SLC39A6: variants seen among roughly 807,000 people sequenced by gnomAD.
SLC39A6 encodes the protein solute carrier family 39 member 6, also known as zinc transporter ZIP6.
A neutral mutation model predicts 63.5 loss-of-function variants in SLC39A6; 51 were observed. The ratio of observed to expected loss-of-function variants is 0.80; its 90% CI spans 0.64 to 1.01. The LOEUF is 1.01. Ranked by LOEUF, SLC39A6 falls within the 50% of genes least tolerant of loss-of-function variation. The pLI is 0.00. For missense variants in SLC39A6, 805 were observed against 927.8 expected (o/e 0.87, Z 1.72); for synonymous variants, 318 against 324.7 (o/e 0.98, Z 0.22).
At chr18:36,117,113 T>C (rs2089352323) in intron 5 of SLC39A6, among the ~76,000 whole-genome samples, 1 of 152,216 alleles carries the variant, frequency 6.6e-6, no homozygotes. Flanking sequence ...GGCATGCGCC[T>C]GTATTCCCAG....
chr18:36,122,801 C>G (rs1168623648), intron 4 of SLC39A6, among the ~76,000 whole-genome samples: 1 of 152,190 alleles, frequency 6.6e-6, no homozygotes, highest in Admixed American at 6.5e-5. Context: ...ACAGAGTACA[C>G]CCCATACACA....
Position 36,126,526 on chromosome 18 carries a change from C to T in SLC39A6, c.482G>A (p.Ser161Asn). Reference protein sequence around the residue: ...SDSSGKDPRNSQGKGAHRPEH... With the variant: ...SDSSGKDPRNNQGKGAHRPEH... The stretch of plus-strand genomic sequence containing the variant: ...TGGTCGGTGAGCTCCTTTCCCCTGG[C>T]TGTTTCTAGGATCTTTACCTGAACT... Residue 161 changes from serine (S) to asparagine (N), a missense_variant, in exon 2 of 10, where the codon AGC becomes AAC. Coordinates refer to ENST00000269187, the MANE Select transcript of SLC39A6 (RefSeq NM_012319.4). 1 of 1,614,242 alleles carries T rather than the reference C, an allele frequency of 6.2e-7. No individual in the cohort carries two copies. The highest frequency in any genetic ancestry group is 8.5e-7 in the Non-Finnish European group (1 of 1,180,044).
In SLC39A6 at chr18:36,129,333, C is replaced by G. The variant is rs2089500912; in HGVS notation, c.-229G>C. 6.2e-6 allele frequency: 1 copy of G among 161,514 alleles called. No homozygotes were observed. Among genetic ancestry groups the G allele is most frequent in the African/African-American group, 2.4e-5 (1 of 41,482 alleles). The allele number at this position is 161,514 out of a possible 1,614,324, so 10.0% of individuals were successfully genotyped here. ...CCCTAGCCTTCGCGAAGCTGGAAGA[C>G]AATCACTAATTACCGCCGCGCGCAG... is the stretch of plus-strand genomic sequence containing the variant. On this transcript the variant is annotated 5_prime_UTR_variant, in exon 1 of 10. Coordinates refer to ENST00000269187, the MANE Select transcript of SLC39A6 (RefSeq NM_012319.4).
intron 2 of SLC39A6, among the ~76,000 whole-genome samples, chr18:36,125,275 T>C (rs2089427163): frequency 1.3e-5 from 2 of 151,702 alleles, no homozygotes; most frequent in African/African-American, 4.8e-5. Flanking sequence ...CAGGCAGATG[T>C]TTTCAACTAT....
intron 1 of SLC39A6, among the ~76,000 whole-genome samples, chr18:36,128,473 CAT>C (rs954642339): frequency 6.6e-6 from 1 of 152,210 alleles, no homozygotes; most frequent in African/African-American, 2.4e-5. Context: ...TGCGAGGTAT[CAT>C]ACAGGGAACA....
At chr18:36,116,602 A>G in intron 6 of SLC39A6, 72 bp downstream of exon 6, 1 of 1,026,722 alleles carries the variant, frequency 9.7e-7, no homozygotes, top group Non-Finnish European at 1.5e-6. Flanking sequence ...TTTCTTCCAG[A>G]TAGTCAAGTT....
Position 36,118,222 on chromosome 18 carries a change from A to G in SLC39A6, c.1360-1443T>C, listed in dbSNP as rs113243608. On this transcript the variant is annotated intron_variant, in intron 5 of 9. Transcript: ENST00000269187. ...GTAGTTTAACCAATTCTTTCATTCCATAAGTATTAAGGGCCCACAGTGTTC... is the reference window on the plus strand; with the variant it reads ...GTAGTTTAACCAATTCTTTCATTCCGTAAGTATTAAGGGCCCACAGTGTTC... Among the ~76,000 whole-genome samples, 435 of 152,296 alleles carry G rather than the reference A, an allele frequency of 2.9e-3. 1 individual carries two copies. The highest frequency in any genetic ancestry group is 9.9e-3 in the African/African-American group (413 of 41,548).
At position 36,111,214 on chromosome 18, in the gene SLC39A6, C is replaced by T. The variant is rs776916805; in HGVS notation, c.1960G>A (p.Val654Ile). The T allele has an allele frequency of 2.5e-6, 4 of 1,613,962 alleles. No individual in the cohort carries two copies. Among genetic ancestry groups the T allele is most frequent in the South Asian group, 2.2e-5 (2 of 91,088 alleles). ...FAVLLKAGMT[V>I]KQAVLYNALS... ...GCATTATAAAGGACAGCCTGCTTAA[C>T]GGTCATGCCAGCCTTTAGTAGAACA... is the stretch of plus-strand genomic sequence containing the variant. The change falls in exon 9 of 10, where the codon GTT (valine) becomes ATT (isoleucine). Residue 654 changes from valine to isoleucine, a missense_variant. Val to Ile is a conservative substitution (Grantham distance 29). This residue lies in a region of SLC39A6 where 145 missense variants were observed against 227.2 expected (regional missense o/e 0.64). Transcript: ENST00000269187.
chr18:36,110,184 T>G (rs1403747080), intron 9 of SLC39A6, among the ~76,000 whole-genome samples: 1 of 152,122 alleles, frequency 6.6e-6, no homozygotes, highest in Non-Finnish European at 1.5e-5. Flanking sequence ...ATTTTAGCGG[T>G]AAGATTGGTT....
At chr18:36,114,924 G>A (rs1256841289) in intron 6 of SLC39A6, among the ~76,000 whole-genome samples, 3 of 152,040 alleles carry the variant, frequency 2.0e-5, no homozygotes, top group African/African-American at 7.2e-5. Context: ...TTTTTTGGAA[G>A]GCAAAATTCA....
intron 6 of SLC39A6, among the ~76,000 whole-genome samples, chr18:36,115,943 G>A (rs530638513): frequency 3.3e-5 from 5 of 152,298 alleles, no homozygotes; most frequent in Non-Finnish European, 7.4e-5. Flanking sequence ...ATATCAGGTG[G>A]CACACCATGT....
At chr18:36,115,543 C>T (rs1349293657) in intron 6 of SLC39A6, among the ~76,000 whole-genome samples, 3 of 152,044 alleles carry the variant, frequency 2.0e-5, no homozygotes, top group African/African-American at 7.2e-5. Context: ...TGCCTGCTGT[C>T]GTTGGGTGCT....
chr18:36,126,598 G>C lies in SLC39A6; in HGVS notation c.410C>G (p.Ser137Cys), dbSNP rs748056830. Residue 137 changes from serine (S) to cysteine (C), a missense_variant, in exon 2 of 10, where the codon TCT becomes TGT. Physicochemically the swap from Ser to Cys is moderately radical, Grantham distance 112. Coordinates refer to ENST00000269187, the MANE Select transcript of SLC39A6 (RefSeq NM_012319.4). The part of the protein sequence containing the change: ...DHHSHHNHAA[S>C]GKNKRKALCP... ...AAGAGCTTTTCGCTTATTTTTACCAGAAGCAGCATGATTATGGTGAGAGTG... is the reference window on the plus strand; with the variant it reads ...AAGAGCTTTTCGCTTATTTTTACCACAAGCAGCATGATTATGGTGAGAGTG... 1 of 1,614,120 alleles carries C rather than the reference G, an allele frequency of 6.2e-7. No homozygotes were observed. The highest frequency in any genetic ancestry group is 8.5e-7 in the Non-Finnish European group (1 of 1,179,990).
At chr18:36,115,615 T>C (rs1338751186) in intron 6 of SLC39A6, among the ~76,000 whole-genome samples, 5 of 151,994 alleles carry the variant, frequency 3.3e-5, no homozygotes, top group East Asian at 1.9e-4. Context: ...GAGGAATGCA[T>C]GTAATGGTCT....
intron 7 of SLC39A6, among the ~76,000 whole-genome samples, chr18:36,113,208 C>T (rs2144498889): frequency 6.6e-6 from 1 of 152,056 alleles, no homozygotes; most frequent in South Asian, 2.1e-4. Flanking sequence ...GTTCCATCTA[C>T]CTCAGCCTAC....
chr18:36,111,191 A>G lies in SLC39A6; in HGVS notation c.1983T>C (p.Asn661=), dbSNP rs1487299150. 1.9e-6 allele frequency: 3 copies of G among 1,614,110 alleles called. No homozygotes were observed. In the Admixed American group the frequency reaches 5.0e-5, roughly 27 times the overall value. The change falls in exon 9 of 10, where the codon AAT becomes AAC. Residue 661 remains asparagine, a synonymous_variant. Transcript: ENST00000269187. The part of the protein sequence containing the change: ...GMTVKQAVLY[N]ALSAMLAYLG... Reference sequence around the variant, plus strand: ...GATACGCCAGCATGGCTGACAATGCATTATAAAGGACAGCCTGCTTAACGG... The same window carrying G: ...GATACGCCAGCATGGCTGACAATGCGTTATAAAGGACAGCCTGCTTAACGG...
intron 2 of SLC39A6, among the ~76,000 whole-genome samples, chr18:36,125,601 T>C (rs1292305285): frequency 1.3e-5 from 2 of 152,100 alleles, no homozygotes; most frequent in Non-Finnish European, 2.9e-5. Flanking sequence ...TGTTCCTTTT[T>C]TTTTTGACAT....
At position 36,108,553 on chromosome 18, in the gene SLC39A6, T is replaced by C. The variant is rs1598702464; in HGVS notation, c.*1040A>G. The stretch of plus-strand genomic sequence containing the variant: ...ACGTCAAGCTGATATAAGGAATTTA[T>C]TGTGTAAAAAAGAAACATCTAGAGA... On this transcript the variant is annotated 3_prime_UTR_variant, in exon 10 of 10. Coordinates refer to ENST00000269187, the MANE Select transcript of SLC39A6 (RefSeq NM_012319.4). 1 of 152,270 alleles carries C rather than the reference T, an allele frequency of 6.6e-6. No individual in the cohort carries two copies. Among genetic ancestry groups the C allele is most frequent in the East Asian group, 1.9e-4 (1 of 5,192 alleles). 9.4% of individuals were successfully genotyped at this position (152,270 alleles called of 1,614,324 possible).
intron 5 of SLC39A6, among the ~76,000 whole-genome samples, chr18:36,121,156 C>CT (rs11313446): frequency 0.012 from 1,723 of 145,228 alleles, 17 homozygotes; most frequent in African/African-American, 0.019. Context: ...CTTTTCTTTT[C>CT]TTTTTTTTTT....
Sources: allele counts gnomAD v4.1 joint callset (sites outside exome capture counted in the v4.1 genomes callset), GRCh38; gene constraint gnomAD v4.1.1; regional missense constraint gnomAD v4.1.1; transcripts MANE v1.5; gene names NCBI Gene and HGNC (gene_info 2026-07-23, HGNC 2026-07-21).